The following NEK11 variants were observed in gnomAD, a reference collection of about 807,000 sequenced individuals.
NEK11 encodes NIMA related kinase 11, also known as serine/threonine-protein kinase Nek11.
Under a neutral mutation model 80.7 loss-of-function variants are expected in NEK11, and 72 were observed. That is an observed-to-expected ratio of 0.89 (90% confidence interval 0.74 to 1.08). The LOEUF is 1.08. Among genes scored for constraint, NEK11 ranks in the 50% least tolerant of loss-of-function variants. The pLI is 0.00. For synonymous variants in NEK11, 251 were observed against 260.7 expected, an observed-to-expected ratio of 0.96 and a Z score of 0.36; for missense variants, 764 against 763.6, an observed-to-expected ratio of 1.00 and a Z score of -0.01.
intron 14 of NEK11, among the ~76,000 whole-genome samples, chr3:131,210,880 A>G (rs931742050): frequency 6.6e-6 from 1 of 152,186 alleles, no homozygotes; most frequent in African/African-American, 2.4e-5. Context: ...TGAATGTGAA[A>G]TGGGTCCCCT....
At chr3:131,161,168 A>T (rs541151451) in intron 10 of NEK11, among the ~76,000 whole-genome samples, 2 of 152,008 alleles carry the variant, frequency 1.3e-5, no homozygotes, top group Non-Finnish European at 2.9e-5. Flanking sequence ...AAAAAAAGAA[A>T]AAAAAAGTCA....
At chr3:131,255,288 C>T (rs2095796350) in intron 16 of NEK11, among the ~76,000 whole-genome samples, 1 of 152,202 alleles carries the variant, frequency 6.6e-6, no homozygotes, top group East Asian at 1.9e-4. Flanking sequence ...TCTTACTGAG[C>T]AATGATGATC....
intron 10 of NEK11, among the ~76,000 whole-genome samples, chr3:131,161,797 A>G (rs1042293363): frequency 6.6e-6 from 1 of 152,252 alleles, no homozygotes; most frequent in Non-Finnish European, 1.5e-5. Context: ...GAGTTTACCT[A>G]TATAACAAAC....
rs148637937 is a variant in NEK11 at position 131,146,813 on chromosome 3, G to A, written c.648-5575G>A. ...CTTTTCTGATGACTAAAAATGTTGA[G>A]CGTCTTCTCATGACTTTTGGCCATT... On this transcript the variant is annotated intron_variant, in intron 7 of 17. Transcript: ENST00000383366. 7.5e-3 allele frequency among the ~76,000 whole-genome samples: 1,142 copies of A among 152,126 alleles called. 13 individuals are homozygous for A. Among genetic ancestry groups the A allele is most frequent in the African/African-American group, 0.026 (1,068 of 41,536 alleles).
chr3:131,334,354 CT>C (rs1331266374), intron 17 of NEK11, among the ~76,000 whole-genome samples: 2 of 152,018 alleles, frequency 1.3e-5, no homozygotes, highest in Non-Finnish European at 2.9e-5. Context: ...GAACAACCTG[CT>C]CCTGAATGAC....
At chr3:131,128,780 A>G (rs571574155) in intron 5 of NEK11, among the ~76,000 whole-genome samples, 8 of 152,320 alleles carry the variant, frequency 5.3e-5, no homozygotes, top group South Asian at 4.1e-4. Context: ...CTAGCAGCGA[A>G]TGAGAGTTTC....
At chr3:131,309,987 T>TTA (rs2096762394) in intron 17 of NEK11, among the ~76,000 whole-genome samples, 1 of 23,274 alleles carries the variant, frequency 4.3e-5, no homozygotes, top group Non-Finnish European at 8.6e-5. Flanking sequence ...AGACCATGTT[T>TTA]AAAAAAAAAA....
rs182782519 is a variant in NEK11, at chr3:131,198,463, C to T, written c.1399+27576C>T. ...TAATAGAGCCTGATATTTAAGTAAA[C>T]AGTTGTCTGACAGCCACAAGTCTCC... On this transcript the variant is annotated intron_variant, in intron 14 of 17. Coordinates refer to ENST00000383366, the MANE Select transcript of NEK11 (RefSeq NM_024800.5). 5.3e-3 allele frequency among the ~76,000 whole-genome samples: 814 copies of T among 152,300 alleles called. 6 individuals carry two copies. The highest frequency in any genetic ancestry group is 0.037 in the South Asian group (180 of 4,830).
intron 17 of NEK11, among the ~76,000 whole-genome samples, chr3:131,302,607 A>G (rs2096673943): frequency 6.6e-6 from 1 of 152,224 alleles, no homozygotes; most frequent in Admixed American, 6.5e-5. Context: ...TGCATTGCTT[A>G]CCCAAAAGTC....
At chr3:131,089,640 T>C (rs2076456971) in intron 4 of NEK11, among the ~76,000 whole-genome samples, 1 of 152,142 alleles carries the variant, frequency 6.6e-6, no homozygotes, top group South Asian at 2.1e-4. Context: ...GGTTTCATCA[T>C]GTTGGCCAGG....
Position 131,029,642 on chromosome 3 carries a change from A to G in NEK11, c.-67A>G, listed in dbSNP as rs962477791. On this transcript the variant is annotated 5_prime_UTR_variant, in exon 3 of 18. Coordinates refer to ENST00000383366, the MANE Select transcript of NEK11 (RefSeq NM_024800.5). Reference sequence around the variant, plus strand: ...TGACCAACACTGGATGAATTTGACCATTTCTTAGGAGACTGGAATGTTAAG... The same window carrying G: ...TGACCAACACTGGATGAATTTGACCGTTTCTTAGGAGACTGGAATGTTAAG... The G allele has an allele frequency of 6.8e-7, 1 of 1,477,968 alleles. No individual in the cohort carries two copies. The highest frequency in any genetic ancestry group is 9.3e-7 in the Non-Finnish European group (1 of 1,074,140). The allele number at this position is 1,477,968 out of a possible 1,614,324, so 91.6% of individuals were successfully genotyped here.
At chr3:131,236,278 A>T (rs1156539424) in intron 15 of NEK11, among the ~76,000 whole-genome samples, 8 of 152,130 alleles carry the variant, frequency 5.3e-5, no homozygotes, top group Non-Finnish European at 1.2e-4. Flanking sequence ...CTAGAAATGG[A>T]TTGTTGCAGA....
rs544586220 is a variant in NEK11 at position 131,070,748 on chromosome 3, A to G, written c.171-9675A>G. Among the ~76,000 whole-genome samples, 11 of 152,330 alleles carry G rather than the reference A, an allele frequency of 7.2e-5. No individual in the cohort carries two copies. In the East Asian group the frequency reaches 1.9e-3, roughly 27 times the overall value. ...TACTCATTAGACACTGAAGATCTCTATACTAACAGCAGAAAGGGAAAACCA... is the reference window on the plus strand; with the variant it reads ...TACTCATTAGACACTGAAGATCTCTGTACTAACAGCAGAAAGGGAAAACCA... On this transcript the variant is annotated intron_variant, in intron 3 of 17. Transcript: ENST00000383366.
At chr3:131,138,188 G>A (rs1221375034) in intron 7 of NEK11, among the ~76,000 whole-genome samples, 1 of 152,186 alleles carries the variant, frequency 6.6e-6, no homozygotes, top group Admixed American at 6.5e-5. Flanking sequence ...CTGCCCTGAG[G>A]GGTGAGTTCC....
At chr3:131,295,868 G>T (rs979567146) in intron 17 of NEK11, among the ~76,000 whole-genome samples, 2 of 151,968 alleles carry the variant, frequency 1.3e-5, no homozygotes, top group East Asian at 1.9e-4. Flanking sequence ...TTGAGAAAGG[G>T]TCTCATCTGT....
intron 17 of NEK11, among the ~76,000 whole-genome samples, chr3:131,348,502 T>C (rs896362701): frequency 2.0e-5 from 3 of 151,070 alleles, no homozygotes; most frequent in Admixed American, 6.6e-5. Context: ...GAGTACAGAG[T>C]GCTTGCAGGC....
intron 17 of NEK11, among the ~76,000 whole-genome samples, chr3:131,291,886 T>C (rs2096547048): frequency 6.6e-6 from 1 of 152,214 alleles, no homozygotes; most frequent in South Asian, 2.1e-4. Flanking sequence ...TCTCCCAGTA[T>C]GTGGCTTGTC....
At chr3:131,028,155 A>G (rs2064183845) in intron 2 of NEK11, among the ~76,000 whole-genome samples, 153 bp downstream of exon 2, 1 of 152,232 alleles carries the variant, frequency 6.6e-6, no homozygotes, top group South Asian at 2.1e-4. Context: ...TGGAAGGGAA[A>G]AGAAAAAGCT....
At chr3:131,086,343 G>A (rs1425272459) in intron 4 of NEK11, among the ~76,000 whole-genome samples, 1 of 152,122 alleles carries the variant, frequency 6.6e-6, no homozygotes, top group Non-Finnish European at 1.5e-5. Context: ...ACCTAATTGT[G>A]ATTATATATT....
Sources: allele counts gnomAD v4.1 joint callset (sites outside exome capture counted in the v4.1 genomes callset), GRCh38; gene constraint gnomAD v4.1.1; transcripts MANE v1.5; gene names NCBI Gene and HGNC (gene_info 2026-07-23, HGNC 2026-07-21).